BFSP1: variants seen among roughly 807,000 people sequenced by gnomAD.
BFSP1 encodes the protein beaded filament structural protein 1, also known as filensin.
A neutral mutation model predicts 43.9 loss-of-function variants in BFSP1; 38 were observed. That is an observed-to-expected ratio of 0.87 (90% CI 0.67 to 1.14). The LOEUF is 1.14. Among genes scored for constraint, BFSP1 ranks in the 50% most tolerant of loss-of-function variants. BFSP1 has a pLI of 0.00. For missense variants in BFSP1, 850 were observed against 875.1 expected (o/e 0.97, Z 0.36); for synonymous variants, 352 against 354.8 (o/e 0.99, Z 0.09).
At chr20:17,509,353 T>A (rs1232758202) in intron 4 of BFSP1, among the ~76,000 whole-genome samples, 1 of 151,556 alleles carries the variant, frequency 6.6e-6, no homozygotes, top group Non-Finnish European at 1.5e-5. Flanking sequence ...GGCATCTTGA[T>A]CTTGGACTTC....
rs543873470 is a variant in BFSP1 at position 17,513,417 on chromosome 20, T to A, written c.534+1304A>T. ...ATCACCGTCATCATCATCATCATCA[T>A]CCTAAATGGCCTGGAAGAATTATTT... is the stretch of plus-strand genomic sequence containing the variant. On this transcript the variant is annotated intron_variant, in intron 3 of 7. Transcript: ENST00000377873. Among the ~76,000 whole-genome samples the A allele has an allele frequency of 2.0e-5, 3 of 152,234 alleles. 1 individual carries two copies. In the South Asian group the frequency reaches 6.2e-4, roughly 32 times the overall value.
upstream of BFSP1, among the ~76,000 whole-genome samples, chr20:17,563,578 T>C (rs1375155481): frequency 6.6e-6 from 1 of 152,012 alleles, no homozygotes; most frequent in Admixed American, 6.6e-5. Flanking sequence ...TGACCTCAGG[T>C]GATCCACCCT....
chr20:17,512,553 C>G (rs1457636275), intron 3 of BFSP1, among the ~76,000 whole-genome samples: 1 of 152,084 alleles, frequency 6.6e-6, no homozygotes, highest in Admixed American at 6.5e-5. Context: ...CCCATTTCTA[C>G]AAAAAATGTT....
intron 5 of BFSP1, among the ~76,000 whole-genome samples, chr20:17,503,172 T>C (rs894630587): frequency 3.3e-5 from 5 of 152,046 alleles, no homozygotes; most frequent in South Asian, 2.1e-4. Context: ...CACAGGTGAA[T>C]GCCACCATGC....
chr20:17,511,070 C>T (rs139761117), intron 4 of BFSP1, among the ~76,000 whole-genome samples: 7 of 152,166 alleles, frequency 4.6e-5, no homozygotes, highest in African/African-American at 1.7e-4. Context: ...CCTCAGCCTC[C>T]TGAGTAGTTG....
intron 1 of BFSP1, among the ~76,000 whole-genome samples, chr20:17,543,220 G>T (rs1009307165): frequency 2.6e-5 from 4 of 152,178 alleles, no homozygotes; most frequent in Non-Finnish European, 5.9e-5. Context: ...GACCAACAGT[G>T]GCGGTAAGCA....
At chr20:17,539,105 CTTTTTTTTTTTTTTTT>C (rs1156875265) in intron 1 of BFSP1, among the ~76,000 whole-genome samples, 1 of 63,564 alleles carries the variant, frequency 1.6e-5, no homozygotes, top group African/African-American at 6.8e-5. Context: ...ATTTCTTCTT[CTTTTTTTTTTTTTTTT>C]TTTTTTTTTT....
At chr20:17,510,243 G>A (rs1326990446) in intron 4 of BFSP1, among the ~76,000 whole-genome samples, 2 of 152,198 alleles carry the variant, frequency 1.3e-5, no homozygotes, top group African/African-American at 2.4e-5. Flanking sequence ...AAGCCCAGAC[G>A]ATGCTGATCG....
intron 6 of BFSP1, among the ~76,000 whole-genome samples, chr20:17,497,320 T>A (rs1432037319): frequency 6.6e-6 from 1 of 152,010 alleles, no homozygotes; most frequent in Non-Finnish European, 1.5e-5. Flanking sequence ...GTGCCTTTTT[T>A]ATTTTTTTGC....
intron 6 of BFSP1, among the ~76,000 whole-genome samples, chr20:17,498,502 T>C (rs536702075): frequency 1.3e-5 from 2 of 152,324 alleles, no homozygotes; most frequent in East Asian, 1.9e-4. Flanking sequence ...GGGACACTTA[T>C]GTCCCCAGAG....
At chr20:17,546,032 G>A (rs928511103) in intron 1 of BFSP1, among the ~76,000 whole-genome samples, 6 of 152,036 alleles carry the variant, frequency 3.9e-5, no homozygotes, top group South Asian at 2.1e-4. Context: ...TTTCCTGTGC[G>A]AGATCCAAGA....
At chr20:17,537,611 G>A (rs1398675061) in intron 1 of BFSP1, among the ~76,000 whole-genome samples, 1 of 148,624 alleles carries the variant, frequency 6.7e-6, no homozygotes, top group East Asian at 2.0e-4. Flanking sequence ...GACAGCAAGT[G>A]TGTGCCTGGT....
intron 1 of BFSP1, among the ~76,000 whole-genome samples, chr20:17,554,645 G>C (rs2034960312): frequency 6.6e-6 from 1 of 152,160 alleles, no homozygotes; most frequent in South Asian, 2.1e-4. Context: ...AGAAAGAGCA[G>C]AACAGATGAT....
chr20:17,512,456 C>A lies in BFSP1; in HGVS notation c.535-388G>T, dbSNP rs1006916299. On this transcript the variant is annotated intron_variant, in intron 3 of 7. Transcript: ENST00000377873. ...CCCTCACCAGACATGGTGGCTCACA[C>A]CTGTACTCCCAGCACTTTGGGAGGC... Among the ~76,000 whole-genome samples the A allele has an allele frequency of 2.0e-5, 3 of 152,104 alleles. No homozygotes were observed. In the East Asian group the frequency reaches 5.8e-4, roughly 29 times the overall value.
upstream of BFSP1, chr20:17,560,360 C>G (rs1201884128): frequency 6.6e-6 from 1 of 152,184 alleles, no homozygotes; most frequent in Non-Finnish European, 1.5e-5. Context: ...CACTCACTTC[C>G]TTCCTCTGTG....
chr20:17,499,596 C>T (rs901134971), intron 5 of BFSP1, among the ~76,000 whole-genome samples: 35 of 152,038 alleles, frequency 2.3e-4, no homozygotes, highest in African/African-American at 8.4e-4. Context: ...TAAGGAGGCC[C>T]ACCCCAAAGG....
chr20:17,498,252 G>A (rs919933863), intron 6 of BFSP1, among the ~76,000 whole-genome samples: 3 of 152,230 alleles, frequency 2.0e-5, no homozygotes, highest in African/African-American at 7.2e-5. Flanking sequence ...CATAGCTGGA[G>A]AGAAAGAGAG....
chr20:17,533,344 T>C (rs1428201145), upstream of BFSP1, among the ~76,000 whole-genome samples: 5 of 152,248 alleles, frequency 3.3e-5, no homozygotes, highest in South Asian at 8.3e-4. Context: ...AAAACCAACA[T>C]ATAGCAAGAG....
chr20:17,495,889 T>C (rs2033620010), intron 7 of BFSP1, among the ~76,000 whole-genome samples: 1 of 151,658 alleles, frequency 6.6e-6, no homozygotes. Context: ...CAAGCACGGC[T>C]GATTCACAAT....
Sources: gnomAD v4.1 joint callset for allele counts (sites outside exome capture counted in the v4.1 genomes callset) on GRCh38, gnomAD v4.1.1 for gene constraint, MANE v1.5 for transcripts, NCBI Gene and HGNC (gene_info 2026-07-23, HGNC 2026-07-21) for gene names.